The following SAMD12 variants were observed in gnomAD, a reference collection of about 807,000 sequenced individuals.
SAMD12 encodes the protein sterile alpha motif domain containing 12, also known as sterile alpha motif domain-containing protein 12.
A neutral mutation model predicts 15.0 loss-of-function variants in SAMD12; 9 were observed. The observed-to-expected ratio is 0.60, with a 90% CI of 0.36 to 1.05. SAMD12 has a LOEUF of 1.05. Among genes scored for constraint, SAMD12 ranks in the 50% least tolerant of loss-of-function variants. The pLI is 0.01. For missense variants in SAMD12, 230 were observed against 234.2 expected, an observed-to-expected ratio of 0.98 and a Z score of 0.12; for synonymous variants, 86 against 90.1, an observed-to-expected ratio of 0.96 and a Z score of 0.25.
chr8:118,476,153 C>T lies in SAMD12; in HGVS notation c.193-36192G>A, dbSNP rs565401679. Among the ~76,000 whole-genome samples the T allele has an allele frequency of 4.6e-5, 7 of 152,298 alleles. No individual in the cohort carries two copies. The South Asian group carries it at 1.4e-3, about 32-fold the overall frequency. On this transcript the variant is annotated intron_variant, in intron 2 of 3. Transcript: ENST00000314727. The stretch of plus-strand genomic sequence containing the variant: ...ATCACCAGAGTCCACACTTCCTGAC[C>T]TGAATGAAAAGAGGAGTCAAAACAT...
At chr8:118,508,020 G>A (rs1469952385) in intron 2 of SAMD12, among the ~76,000 whole-genome samples, 1 of 132,364 alleles carries the variant, frequency 7.6e-6, no homozygotes, top group African/African-American at 2.8e-5. Context: ...TTGAGACAGG[G>A]TCTCGCTCTG....
At chr8:118,338,690 A>G (rs1817201014) in intron 4 of SAMD12, among the ~76,000 whole-genome samples, 1 of 152,196 alleles carries the variant, frequency 6.6e-6, no homozygotes, top group Non-Finnish European at 1.5e-5. Flanking sequence ...TAAGTATTTC[A>G]CCAAGTTCTG....
chr8:118,544,065 C>A (rs1826059480), intron 2 of SAMD12, among the ~76,000 whole-genome samples: 1 of 152,110 alleles, frequency 6.6e-6, no homozygotes, highest in Admixed American at 6.5e-5. Flanking sequence ...TCCACCCTAC[C>A]CATCCCACCC....
chr8:118,171,412 A>C, the SAMD12 span, among the ~76,000 whole-genome samples: 1 of 152,244 alleles, frequency 6.6e-6, no homozygotes, highest in Non-Finnish European at 1.5e-5. Flanking sequence ...GTTACCTATA[A>C]CATAGAAGTA....
intron 4 of SAMD12, among the ~76,000 whole-genome samples, chr8:118,314,573 A>G (rs1291657544): frequency 6.6e-6 from 1 of 152,214 alleles, no homozygotes; most frequent in African/African-American, 2.4e-5. Flanking sequence ...ACCCCTGGCA[A>G]CCAATAATTT....
Position 118,379,498 on chromosome 8 carries a change from T to G in SAMD12, c.525A>C (p.Leu175=), listed in dbSNP as rs143101408. Residue 175 remains leucine, a synonymous_variant, in exon 4 of 4, where the codon CTA becomes CTC. Coordinates refer to ENST00000314727, the MANE Select transcript of SAMD12 (RefSeq NM_207506.3). ...TCTCCCTGACTCCTGTCTGTCCTAA[T>G]AGTAAGGTGGTCTTTCTTCTAATCT... The part of the protein sequence containing the change: ...DGEIRRKTTL[L]LGQTGVRENL... The G allele has an allele frequency of 4.3e-6, 7 of 1,613,754 alleles. No individual in the cohort carries two copies. The Admixed American group carries it at 1.0e-4, about 23-fold the overall frequency.
At chr8:118,399,328 C>A (rs1239861087) in intron 3 of SAMD12, among the ~76,000 whole-genome samples, 1 of 151,888 alleles carries the variant, frequency 6.6e-6, no homozygotes, top group African/African-American at 2.4e-5. Flanking sequence ...ATAATTAGTT[C>A]TAATGATTGG....
At chr8:118,425,027 C>T (rs552562159) in intron 3 of SAMD12, among the ~76,000 whole-genome samples, 2 of 151,366 alleles carry the variant, frequency 1.3e-5, no homozygotes, top group African/African-American at 2.4e-5. Flanking sequence ...CAAGCTCTGC[C>T]TCCTGGGTTC....
At chr8:118,197,679 G>C (rs368404163) in exon 5 of SAMD12, 9 of 1,598,956 alleles carry the variant, frequency 5.6e-6, no homozygotes, top group Middle Eastern at 1.7e-4. Flanking sequence ...ATATCAACTG[G>C]CAGGACAGCA....
intron 4 of SAMD12, among the ~76,000 whole-genome samples, chr8:118,204,527 G>C (rs1465856368): frequency 6.6e-6 from 1 of 151,990 alleles, no homozygotes; most frequent in African/African-American, 2.4e-5. Flanking sequence ...GGCCGAGCCG[G>C]GCAGATCACG....
At chr8:118,597,945 C>T (rs917001462) in intron 1 of SAMD12, among the ~76,000 whole-genome samples, 5 of 152,136 alleles carry the variant, frequency 3.3e-5, no homozygotes, top group African/African-American at 1.2e-4. Flanking sequence ...ATGGCTGGCA[C>T]GTGGGCAGCA....
chr8:118,315,589 TACTCATATGTG>T (rs1427726238), intron 4 of SAMD12, among the ~76,000 whole-genome samples: 1 of 152,196 alleles, frequency 6.6e-6, no homozygotes, highest in African/African-American at 2.4e-5. Context: ...ATAGACTTGT[TACTCATATGTG>T]GTTCCTTGAG....
intron 2 of SAMD12, among the ~76,000 whole-genome samples, chr8:118,516,240 G>C (rs569953260): frequency 6.6e-6 from 1 of 152,314 alleles, no homozygotes; most frequent in East Asian, 1.9e-4. Flanking sequence ...ATTGCCCTCT[G>C]CTTTGCAAGT....
chr8:118,236,357 A>G (rs1044324670), intron 4 of SAMD12, among the ~76,000 whole-genome samples: 1 of 152,200 alleles, frequency 6.6e-6, no homozygotes, highest in Non-Finnish European at 1.5e-5. Flanking sequence ...GCTAAATAAT[A>G]AGAATTAAAT....
At chr8:118,264,502 C>G (rs1813154381) in intron 4 of SAMD12, among the ~76,000 whole-genome samples, 1 of 152,136 alleles carries the variant, frequency 6.6e-6, no homozygotes, top group Admixed American at 6.6e-5. Context: ...GCTGACGGTT[C>G]TCTAAAGCTG....
chr8:118,205,089 G>A (rs17451949), intron 4 of SAMD12, among the ~76,000 whole-genome samples: 26,949 of 152,072 alleles, frequency 0.18, 2,509 homozygotes, highest in African/African-American at 0.2. Flanking sequence ...TCAATCCATC[G>A]AAGGCCTAAA....
chr8:118,468,955 A>G (rs1823678870), intron 2 of SAMD12, among the ~76,000 whole-genome samples: 1 of 152,180 alleles, frequency 6.6e-6, no homozygotes, highest in Admixed American at 6.5e-5. Context: ...ATCATATCAT[A>G]TAGGATTCTG....
chr8:118,293,810 A>C lies in SAMD12; in HGVS notation c.433+85750T>G, dbSNP rs543692728. Among the ~76,000 whole-genome samples the C allele has an allele frequency of 2.6e-5, 4 of 152,288 alleles. No homozygotes were observed. The South Asian group carries it at 8.3e-4, about 32-fold the overall frequency. On this transcript the variant is annotated intron_variant, in intron 4 of 4. Coordinates refer to the SAMD12 transcript ENST00000409003. ...TCCTTTCATAACCAGTCTGTTGGCA[A>C]AACCTGATTCCCATTGATGGATAAG...
chr8:118,502,315 T>C (rs1824807328), intron 2 of SAMD12, among the ~76,000 whole-genome samples: 1 of 152,198 alleles, frequency 6.6e-6, no homozygotes, highest in Admixed American at 6.5e-5. Context: ...ATAAGATCAG[T>C]GAGACTGTTT....
Sources: gnomAD v4.1 joint callset for allele counts (sites outside exome capture counted in the v4.1 genomes callset) on GRCh38, gnomAD v4.1.1 for gene constraint, MANE v1.5 for transcripts, NCBI Gene and HGNC (gene_info 2026-07-23, HGNC 2026-07-21) for gene names.